TBC1D4: variants seen among roughly 807,000 people sequenced by gnomAD.
TBC1D4 encodes the protein TBC1 domain family member 4.
In TBC1D4, 121 loss-of-function variants were observed where a neutral mutation model predicts 142.5. The observed-to-expected ratio is 0.85, with a 90% CI of 0.73 to 0.99. The LOEUF (loss-of-function observed/expected upper bound fraction) is 0.99. Among genes scored for constraint, TBC1D4 ranks in the 50% least tolerant of loss-of-function variants. The probability of loss-of-function intolerance (pLI) is 0.00; values close to 1 mark genes in which losing one functional copy is unlikely to be tolerated. For missense variants in TBC1D4, 1,475 were observed against 1,606.6 expected, an observed-to-expected ratio of 0.92 and a Z score of 1.40; for synonymous variants, 630 against 628.2, an observed-to-expected ratio of 1.00 and a Z score of -0.04.
chr13:75,334,350 T>G (rs921067992), intron 8 of TBC1D4, among the ~76,000 whole-genome samples: 5 of 152,112 alleles, frequency 3.3e-5, no homozygotes, highest in South Asian at 2.1e-4. Context: ...CCTGCAGTAC[T>G]GAAATTAGCC....
chr13:75,447,375 C>CT (rs763425670), intron 1 of TBC1D4, among the ~76,000 whole-genome samples: 7 of 152,064 alleles, frequency 4.6e-5, no homozygotes, highest in African/African-American at 7.2e-5. Context: ...ATCATTAACA[C>CT]TTTCTTCTAA....
intron 1 of TBC1D4, among the ~76,000 whole-genome samples, chr13:75,394,817 T>C (rs1884697938): frequency 6.6e-6 from 1 of 152,212 alleles, no homozygotes; most frequent in Non-Finnish European, 1.5e-5. Flanking sequence ...AGGAATATTG[T>C]GTAGATTTAA....
rs1881399449 is a variant in TBC1D4, at chr13:75,349,175, A to G, written c.1403T>C (p.Ile468Thr). 1 of 1,614,002 alleles carries G rather than the reference A, an allele frequency of 6.2e-7. No individual in the cohort carries two copies. The highest frequency in any genetic ancestry group is 1.1e-5 in the South Asian group (1 of 91,082). ...MHSLHKLCERIEGLYPPRAKL... is the reference protein window; with the variant it reads ...MHSLHKLCERTEGLYPPRAKL... The stretch of plus-strand genomic sequence containing the variant: ...AAAGCCACATTAAACTGTACCTTCA[A>G]TCCTTTCACAGAGCTTATGCAAAGA... Residue 468 changes from isoleucine (I) to threonine (T), a missense_variant, in exon 5 of 21, where the codon ATT (isoleucine) becomes ACT (threonine). Coordinates refer to ENST00000377636, the MANE Select transcript of TBC1D4 (RefSeq NM_014832.5).
intron 1 of TBC1D4, among the ~76,000 whole-genome samples, chr13:75,423,674 C>G (rs1238338358): frequency 6.6e-6 from 1 of 152,160 alleles, no homozygotes; most frequent in Admixed American, 6.5e-5. Flanking sequence ...ATAAAAACTT[C>G]CATTGTAGAG....
chr13:75,393,567 G>A (rs572403018), intron 1 of TBC1D4, among the ~76,000 whole-genome samples: 12 of 152,190 alleles, frequency 7.9e-5, no homozygotes, highest in Middle Eastern at 3.4e-3. Flanking sequence ...ACAATACAGC[G>A]GTTTAGAGTT....
chr13:75,321,902 C>T (rs1047553540), intron 11 of TBC1D4, among the ~76,000 whole-genome samples: 3 of 152,148 alleles, frequency 2.0e-5, no homozygotes, highest in Admixed American at 6.5e-5. Context: ...TTAAATCTCA[C>T]AAACGAATGT....
At chr13:75,366,072 C>T (rs373107439) in intron 1 of TBC1D4, among the ~76,000 whole-genome samples, 5 of 152,160 alleles carry the variant, frequency 3.3e-5, no homozygotes, top group African/African-American at 4.8e-5. Context: ...AGCTACACAC[C>T]CTAGCTACAT....
At chr13:75,481,208 C>CCCCCCG in intron 1 of TBC1D4, 62 bp downstream of exon 1, 1 of 1,448,770 alleles carries the variant, frequency 6.9e-7, no homozygotes, top group Non-Finnish European at 9.4e-7. Flanking sequence ...CCGCCCCTCC[C>CCCCCCG]GCCCTGCTCC....
intron 1 of TBC1D4, among the ~76,000 whole-genome samples, chr13:75,377,819 A>G (rs1005647042): frequency 1.3e-5 from 2 of 151,556 alleles, no homozygotes; most frequent in Non-Finnish European, 2.9e-5. Context: ...ATCTATCTAC[A>G]TATCTATCAT....
chr13:75,418,103 G>T (rs183377284), intron 1 of TBC1D4, among the ~76,000 whole-genome samples: 1 of 152,114 alleles, frequency 6.6e-6, no homozygotes, highest in Admixed American at 6.5e-5. Flanking sequence ...CATTTCTCCT[G>T]AGATCATAAA....
chr13:75,384,043 G>A (rs979055926), intron 1 of TBC1D4, among the ~76,000 whole-genome samples: 1 of 152,042 alleles, frequency 6.6e-6, no homozygotes, highest in African/African-American at 2.4e-5. Flanking sequence ...GTTAATGAGT[G>A]CAGCACACCA....
intron 1 of TBC1D4, among the ~76,000 whole-genome samples, chr13:75,478,329 C>T (rs376503028): frequency 4.9e-4 from 74 of 152,180 alleles, no homozygotes; most frequent in Admixed American, 1.7e-3. Flanking sequence ...CCCCTTTTGA[C>T]AATAAAATTG....
intron 15 of TBC1D4, among the ~76,000 whole-genome samples, chr13:75,303,568 C>G (rs1876816234): frequency 6.6e-6 from 1 of 152,162 alleles, no homozygotes; most frequent in African/African-American, 2.4e-5. Flanking sequence ...CTTTATTTCA[C>G]TCACTAAGAG....
intron 1 of TBC1D4, among the ~76,000 whole-genome samples, chr13:75,372,200 G>A (rs1883257250): frequency 6.6e-6 from 1 of 152,028 alleles, no homozygotes; most frequent in East Asian, 1.9e-4. Flanking sequence ...TTTTCAATGT[G>A]AGATCAGCCT....
chr13:75,459,525 T>C (rs1396097637), intron 1 of TBC1D4, among the ~76,000 whole-genome samples: 1 of 152,234 alleles, frequency 6.6e-6, no homozygotes, highest in Non-Finnish European at 1.5e-5. Context: ...AACTCCTATG[T>C]CTAGCAGTTC....
chr13:75,399,426 A>G (rs553980126), intron 1 of TBC1D4, among the ~76,000 whole-genome samples: 4 of 152,234 alleles, frequency 2.6e-5, no homozygotes, highest in Admixed American at 6.5e-5. Context: ...TACTGGGCTT[A>G]TATCATCCCC....
intron 1 of TBC1D4, among the ~76,000 whole-genome samples, chr13:75,448,212 A>G (rs1490116756): frequency 6.6e-6 from 1 of 152,168 alleles, no homozygotes; most frequent in African/African-American, 2.4e-5. Flanking sequence ...TTACTGAATG[A>G]ACGAACAAGT....
rs541862034 is a variant in TBC1D4, at chr13:75,424,616, C to A, written c.498+56654G>T. 4.6e-5 allele frequency among the ~76,000 whole-genome samples: 7 copies of A among 152,224 alleles called. No individual in the cohort carries two copies. The South Asian group carries it at 8.3e-4, about 18-fold the overall frequency. ...TCACACTACCTGATTTCAAAATCTC[C>A]TACAAAGCTATAGTAATCAAAATAG... On this transcript the variant is annotated intron_variant, in intron 1 of 20. Transcript: ENST00000377636.
At chr13:75,454,722 G>A (rs150991601) in intron 1 of TBC1D4, among the ~76,000 whole-genome samples, 324 of 152,260 alleles carry the variant, frequency 2.1e-3, no homozygotes, top group African/African-American at 7.4e-3. Context: ...GTTAGTACAG[G>A]ATGTCTGGAG....
Sources: gnomAD v4.1 joint callset for allele counts (sites outside exome capture counted in the v4.1 genomes callset) on GRCh38, gnomAD v4.1.1 for gene constraint, MANE v1.5 for transcripts, NCBI Gene and HGNC (gene_info 2026-07-23, HGNC 2026-07-21) for gene names.